HEG1: variants seen among roughly 807,000 people sequenced by gnomAD.
HEG1 encodes protein HEG homolog 1.
A neutral mutation model predicts 125.6 loss-of-function variants in HEG1; 56 were observed. The observed-to-expected ratio is 0.45, with a 90% CI of 0.36 to 0.56. The LOEUF (loss-of-function observed/expected upper bound fraction) is 0.56, where lower values mean the gene tolerates loss of function less well. Ranked by LOEUF, HEG1 falls within the 20% of genes least tolerant of loss-of-function variation. HEG1 has a pLI of 0.00. For synonymous variants in HEG1, 644 were observed against 668.5 expected (o/e 0.96, Z 0.57); for missense variants, 1,523 against 1,670.0 (o/e 0.91, Z 1.53).
chr3:124,973,160 C>A (rs187877294), intron 16 of HEG1, among the ~76,000 whole-genome samples: 83 of 152,036 alleles, frequency 5.5e-4, no homozygotes, highest in African/African-American at 1.9e-3. Context: ...TAGCTAGAAC[C>A]ACAGGCGAGC....
At chr3:125,007,403 A>G (rs1444831383) in intron 8 of HEG1, among the ~76,000 whole-genome samples, 1 of 152,084 alleles carries the variant, frequency 6.6e-6, no homozygotes, top group Non-Finnish European at 1.5e-5. Flanking sequence ...CTGCAGTTAC[A>G]GCACCTGGCT....
intron 11 of HEG1, among the ~76,000 whole-genome samples, chr3:125,000,479 G>A (rs150215279): frequency 3.9e-5 from 6 of 152,252 alleles, no homozygotes; most frequent in African/African-American, 1.4e-4. Context: ...TTGAATCCTT[G>A]TCAAGAGAAA....
chr3:124,979,542 T>G (rs1002911903), intron 14 of HEG1, among the ~76,000 whole-genome samples: 1 of 152,226 alleles, frequency 6.6e-6, no homozygotes, highest in African/African-American at 2.4e-5. Context: ...AAATCATATC[T>G]TCAATAAATT....
At position 125,027,199 on chromosome 3, in the gene HEG1, A is replaced by G. The variant is rs1281818941; in HGVS notation, c.913+6T>C. On this transcript the variant is annotated splice_donor_region_variant and intron_variant, in intron 3 of 16. Coordinates refer to ENST00000311127, the MANE Select transcript of HEG1 (RefSeq NM_020733.2). ...CCGAGTGTTAAGCTGGGTATGTGGC[A>G]CTCACATGAGGAAAGGTCTAAGAGA... is the stretch of plus-strand genomic sequence containing the variant. 1.3e-6 allele frequency: 2 copies of G among 1,580,884 alleles called. No homozygotes were observed. The highest frequency in any genetic ancestry group is 4.5e-5 in the East Asian group (2 of 44,496).
intron 1 of HEG1, among the ~76,000 whole-genome samples, chr3:125,041,299 A>T (rs1457665592): frequency 6.6e-6 from 1 of 152,210 alleles, no homozygotes; most frequent in Non-Finnish European, 1.5e-5. Context: ...GACCATAGCA[A>T]CCAAATAACC....
chr3:124,994,918 T>C (rs1936893486), intron 12 of HEG1, among the ~76,000 whole-genome samples: 1 of 152,228 alleles, frequency 6.6e-6, no homozygotes, highest in African/African-American at 2.4e-5. Flanking sequence ...TCAACAGACA[T>C]TTGCTGAACC....
intron 1 of HEG1, among the ~76,000 whole-genome samples, chr3:125,038,944 TGCTGTGCACCTCACCCAGGCCA>T (rs1463842888): frequency 6.6e-6 from 1 of 152,200 alleles, no homozygotes; most frequent in East Asian, 1.9e-4. Flanking sequence ...AGTAGGCTGG[TGCTGTGCACCTCACCCAGGCCA>T]GCTTCGCAGA....
At chr3:125,012,448 C>T (rs1560024666) in intron 6 of HEG1, among the ~76,000 whole-genome samples, 175 bp downstream of exon 6, 1 of 152,230 alleles carries the variant, frequency 6.6e-6, no homozygotes, top group Non-Finnish European at 1.5e-5. Context: ...TAGGCCCACC[C>T]ATGACCTTCT....
At chr3:125,051,282 C>T (rs530293739) in intron 1 of HEG1, among the ~76,000 whole-genome samples, 10 of 152,290 alleles carry the variant, frequency 6.6e-5, no homozygotes, top group Non-Finnish European at 8.8e-5. Context: ...ATTTTCCCCA[C>T]GCCAATGCTG....
chr3:124,997,861 C>A, intron 11 of HEG1, 38 bp from the exon 12 acceptor site: 1 of 1,531,306 alleles, frequency 6.5e-7, no homozygotes, highest in South Asian at 1.3e-5. Context: ...CAAAACAAAA[C>A]CTTCTCCACT....
chr3:124,972,471 A>G (rs577508028), intron 16 of HEG1, among the ~76,000 whole-genome samples: 15 of 152,222 alleles, frequency 9.9e-5, no homozygotes, highest in Middle Eastern at 6.8e-3. Context: ...TCTAGGTTCA[A>G]ATTTTTCAAA....
rs1936350633 is a variant in HEG1, at chr3:124,968,087, T to C, written c.*2565A>G. On this transcript the variant is annotated 3_prime_UTR_variant, in exon 17 of 17. Transcript: ENST00000311127. ...TCTGTGGGATATTGGTGCAGGATTG[T>C]GGCATCTGTGCACGTGAATCACACA... 6.6e-6 allele frequency: 1 copy of C among 152,484 alleles called. No individual in the cohort carries two copies. Among genetic ancestry groups the C allele is most frequent in the Non-Finnish European group, 1.5e-5 (1 of 68,228 alleles). 9.4% of individuals were successfully genotyped at this position (152,484 alleles called of 1,614,324 possible).
intron 3 of HEG1, among the ~76,000 whole-genome samples, chr3:125,026,681 C>T (rs758944085): frequency 2.6e-5 from 4 of 152,102 alleles, no homozygotes; most frequent in Non-Finnish European, 5.9e-5. Flanking sequence ...TTCATGCACC[C>T]CAAGGTAAGG....
intron 8 of HEG1, 123 bp downstream of exon 8, chr3:125,009,582 T>G: frequency 1.0e-6 from 1 of 993,400 alleles, no homozygotes; most frequent in Non-Finnish European, 1.4e-6. Context: ...CACTTTTTTC[T>G]ATATTCCTTA....
intron 8 of HEG1, among the ~76,000 whole-genome samples, chr3:125,007,198 CAAAAAAAAAA>C (rs1212172102): frequency 5.5e-5 from 3 of 54,708 alleles, no homozygotes; most frequent in Non-Finnish European, 1.2e-4. Context: ...GACTCCGTCT[CAAAAAAAAAA>C]AAAAAAAAAA....
intron 1 of HEG1, among the ~76,000 whole-genome samples, chr3:125,052,916 T>C (rs1252587516): frequency 6.6e-6 from 1 of 152,176 alleles, no homozygotes; most frequent in African/African-American, 2.4e-5. Flanking sequence ...GAGCTGGAAA[T>C]GGCCCACAGG....
At chr3:125,003,889 G>A (rs1937035229) in intron 9 of HEG1, among the ~76,000 whole-genome samples, 1 of 152,214 alleles carries the variant, frequency 6.6e-6, no homozygotes, top group Non-Finnish European at 1.5e-5. Context: ...GACTTTCACT[G>A]TAATAAACCG....
chr3:125,030,712 C>T lies in HEG1; in HGVS notation c.317-1224G>A, dbSNP rs143526204. 2.8e-3 allele frequency among the ~76,000 whole-genome samples: 433 copies of T among 152,268 alleles called. 2 individuals carry two copies. The highest frequency in any genetic ancestry group is 0.01 in the African/African-American group (416 of 41,550). The stretch of plus-strand genomic sequence containing the variant: ...TTCAAGCATTGCACAAAGATGAAGA[C>T]AGGTCCTCTTATACTTCCCATTTTA... On this transcript the variant is annotated intron_variant, in intron 1 of 16. Coordinates refer to ENST00000311127, the MANE Select transcript of HEG1 (RefSeq NM_020733.2).
chr3:124,977,914 C>T lies in HEG1; in HGVS notation c.3766G>A (p.Ala1256Thr), dbSNP rs772002458. ...YQLITVVIAA[A>T]GGGLLLILGI... ...AGGATGAGCAGGAGCCCACCTCCCG[C>T]GGCTGCGATCACCACAGTGATAAGC... is the stretch of plus-strand genomic sequence containing the variant. Residue 1256 changes from alanine to threonine, a missense_variant, in exon 15 of 17, where the codon GCG (alanine) becomes ACG (threonine). Transcript: ENST00000311127. 42 of 1,580,216 alleles carry T rather than the reference C, an allele frequency of 2.7e-5. No individual in the cohort carries two copies. Among genetic ancestry groups the T allele is most frequent in the Admixed American group, 9.0e-5 (5 of 55,386 alleles).
Sources: allele counts gnomAD v4.1 joint callset (sites outside exome capture counted in the v4.1 genomes callset), GRCh38; gene constraint gnomAD v4.1.1; transcripts MANE v1.5; gene names NCBI Gene and HGNC (gene_info 2026-07-23, HGNC 2026-07-21).